Variants in NAALADL2 observed in about 807,000 individuals in gnomAD.
NAALADL2 encodes the protein inactive N-acetylated-alpha-linked acidic dipeptidase-like protein 2.
Under a neutral mutation model 87.2 loss-of-function variants are expected in NAALADL2, and 76 were observed. The observed-to-expected ratio is 0.87, with a 90% CI of 0.72 to 1.05. The LOEUF (loss-of-function observed/expected upper bound fraction) is 1.05. NAALADL2 is among the 50% of genes least tolerant of loss of function. NAALADL2 has a pLI of 0.00. For synonymous variants in NAALADL2, 354 were observed against 331.0 expected (o/e 1.07, Z -0.75); for missense variants, 1,089 against 945.8 (o/e 1.15, Z -1.99).
chr3:175,648,642 C>T (rs771073932), intron 11 of NAALADL2, among the ~76,000 whole-genome samples: 11 of 152,064 alleles, frequency 7.2e-5, no homozygotes, highest in African/African-American at 2.7e-4. Context: ...TCAACTGGCT[C>T]TTTTAATTTT....
At chr3:175,015,941 A>G (rs1180704383) in intron 1 of NAALADL2, among the ~76,000 whole-genome samples, 6 of 151,892 alleles carry the variant, frequency 4.0e-5, no homozygotes, top group Non-Finnish European at 7.4e-5. Context: ...GTTGACATAA[A>G]TACCTGATAA....
chr3:174,863,344 A>G (rs910522699), intron 1 of NAALADL2, among the ~76,000 whole-genome samples: 3 of 151,996 alleles, frequency 2.0e-5, no homozygotes, highest in Admixed American at 6.6e-5. Flanking sequence ...TTCTATATTT[A>G]TGGTCTTGAA....
At chr3:175,149,893 C>A (rs981733107) in intron 2 of NAALADL2, among the ~76,000 whole-genome samples, 5 of 152,086 alleles carry the variant, frequency 3.3e-5, no homozygotes, top group Admixed American at 3.3e-4. Flanking sequence ...CTCTTGGAAG[C>A]GGGCCAGGTT....
chr3:175,097,930 T>C (rs1721438153), intron 2 of NAALADL2, among the ~76,000 whole-genome samples: 1 of 152,158 alleles, frequency 6.6e-6, no homozygotes, highest in Non-Finnish European at 1.5e-5. Flanking sequence ...GAGAGAGTAG[T>C]GAGGTACTGC....
intron 1 of NAALADL2, among the ~76,000 whole-genome samples, chr3:174,924,403 A>T (rs915103223): frequency 1.3e-5 from 2 of 151,716 alleles, no homozygotes; most frequent in African/African-American, 4.8e-5. Context: ...ATCCTTTTTT[A>T]TGGCTGCATA....
At chr3:175,078,271 C>T (rs760572345) in intron 1 of NAALADL2, among the ~76,000 whole-genome samples, 12 of 151,984 alleles carry the variant, frequency 7.9e-5, no homozygotes, top group Admixed American at 2.0e-4. Context: ...GTGATCTGCC[C>T]GCATTGGCCT....
intron 5 of NAALADL2, among the ~76,000 whole-genome samples, chr3:175,421,176 A>G (rs1715631950): frequency 6.6e-6 from 1 of 151,972 alleles, no homozygotes; most frequent in Non-Finnish European, 1.5e-5. Flanking sequence ...TACAGTTCAG[A>G]CACAGGCATC....
intron 9 of NAALADL2, among the ~76,000 whole-genome samples, chr3:175,484,206 AT>A (rs1421546475): frequency 2.6e-5 from 4 of 152,162 alleles, no homozygotes; most frequent in Non-Finnish European, 5.9e-5. Context: ...TTAGAAAAAA[AT>A]GTATTAGTTA....
rs191692150 is a variant in NAALADL2, at chr3:174,624,394, C to T, written c.-115+73757C>T. Among the ~76,000 whole-genome samples, 160 of 152,106 alleles carry T rather than the reference C, an allele frequency of 1.1e-3. 1 individual carries two copies. The highest frequency in any genetic ancestry group is 1.9e-3 in the Non-Finnish European group (126 of 67,996). Reference sequence around the variant, plus strand: ...ATTCCAGCAGTTTGGGAGGCGGAGGCGGGTGGATCATTTGAGGTTAGGAGT... The same window carrying T: ...ATTCCAGCAGTTTGGGAGGCGGAGGTGGGTGGATCATTTGAGGTTAGGAGT... On this transcript the variant is annotated intron_variant, in intron 2 of 3. Transcript: ENST00000434257.
At chr3:174,536,098 A>G (rs932732908) in intron 1 of NAALADL2, among the ~76,000 whole-genome samples, 1 of 152,172 alleles carries the variant, frequency 6.6e-6, no homozygotes, top group Non-Finnish European at 1.5e-5. Context: ...GTATACTCCC[A>G]GATAGTTTCA....
chr3:175,476,827 G>C (rs1725766032), intron 9 of NAALADL2, among the ~76,000 whole-genome samples: 1 of 151,926 alleles, frequency 6.6e-6, no homozygotes, highest in South Asian at 2.1e-4. Context: ...ATTTTTGCTT[G>C]AGTGACTGGA....
intron 1 of NAALADL2, among the ~76,000 whole-genome samples, chr3:174,940,545 C>T (rs1738420312): frequency 6.6e-6 from 1 of 151,930 alleles, no homozygotes; most frequent in Non-Finnish European, 1.5e-5. Context: ...ATAGAGGAGT[C>T]CCTCCTCTTC....
At chr3:174,865,284 A>G (rs1191896574) in intron 1 of NAALADL2, among the ~76,000 whole-genome samples, 1 of 152,104 alleles carries the variant, frequency 6.6e-6, no homozygotes, top group Non-Finnish European at 1.5e-5. Flanking sequence ...GCAGTTTATA[A>G]TGAACATGCA....
At chr3:174,870,481 G>A (rs573758186) in intron 1 of NAALADL2, among the ~76,000 whole-genome samples, 26 of 152,032 alleles carry the variant, frequency 1.7e-4, no homozygotes, top group African/African-American at 5.5e-4. Flanking sequence ...GCAAAATACG[G>A]TTGGTATCAA....
chr3:174,631,675 T>G (rs1004342636), intron 2 of NAALADL2: 1 of 152,220 alleles, frequency 6.6e-6, no homozygotes, highest in African/African-American at 2.4e-5. Flanking sequence ...ATGTGTACTA[T>G]TAAGTTTATG....
chr3:175,741,759 T>G (rs1482384249), intron 12 of NAALADL2, among the ~76,000 whole-genome samples: 2 of 152,152 alleles, frequency 1.3e-5, no homozygotes. Context: ...AGCTGTTTCC[T>G]CACTTATCAC....
chr3:175,473,990 C>G (rs572766441), intron 9 of NAALADL2, among the ~76,000 whole-genome samples: 1 of 152,146 alleles, frequency 6.6e-6, no homozygotes, highest in South Asian at 2.1e-4. Flanking sequence ...TACTGTTTTC[C>G]CTAGAGGTTG....
chr3:175,056,135 A>C (rs2109047614), intron 1 of NAALADL2, among the ~76,000 whole-genome samples: 1 of 152,204 alleles, frequency 6.6e-6, no homozygotes, highest in Non-Finnish European at 1.5e-5. Flanking sequence ...CCGGAAAAGA[A>C]AGATCTGGAG....
intron 2 of NAALADL2, among the ~76,000 whole-genome samples, chr3:174,613,515 C>T (rs1720148234): frequency 6.6e-6 from 1 of 152,204 alleles, no homozygotes; most frequent in African/African-American, 2.4e-5. Flanking sequence ...CCTTTCCACT[C>T]TTTCCTCTTC....
Sources: gnomAD v4.1 joint callset for allele counts (sites outside exome capture counted in the v4.1 genomes callset) on GRCh38, gnomAD v4.1.1 for gene constraint, MANE v1.5 for transcripts, NCBI Gene and HGNC (gene_info 2026-07-23, HGNC 2026-07-21) for gene names.